The following PEAK1 variants were observed in gnomAD, a reference collection of about 807,000 sequenced individuals.
The protein encoded by PEAK1 is inactive tyrosine-protein kinase PEAK1.
A neutral mutation model predicts 124.7 loss-of-function variants in PEAK1; 54 were observed. The ratio of observed to expected loss-of-function variants is 0.43; its 90% CI spans 0.35 to 0.54. The LOEUF is 0.54. Ranked by LOEUF, PEAK1 falls within the 20% of genes least tolerant of loss-of-function variation. PEAK1 has a pLI of 0.01. For synonymous variants in PEAK1, 719 were observed against 760.0 expected (o/e 0.95, Z 0.89); for missense variants, 2,046 against 2,134.5 (o/e 0.96, Z 0.82).
intron 5 of PEAK1, among the ~76,000 whole-genome samples, chr15:77,257,537 G>A (rs1425277660): frequency 6.6e-6 from 1 of 151,368 alleles, no homozygotes; most frequent in Non-Finnish European, 1.5e-5. Context: ...TTTGAGAAGT[G>A]TCTGTTCATG....
intron 7 of PEAK1, among the ~76,000 whole-genome samples, chr15:77,162,493 CAAAAAA>C (rs71143393): frequency 2.9e-3 from 206 of 70,372 alleles, no homozygotes; most frequent in Admixed American, 4.7e-3. Context: ...GACTCCATCT[CAAAAAA>C]AAAAAAAAAA....
intron 1 of PEAK1, among the ~76,000 whole-genome samples, chr15:77,413,153 T>A (rs1018359240): frequency 6.6e-6 from 1 of 152,152 alleles, no homozygotes; most frequent in African/African-American, 2.4e-5. Flanking sequence ...AATGCTAAAA[T>A]TAGTGGGCAG....
intron 2 of PEAK1, chr15:77,334,988 T>A: frequency 1.0e-6 from 1 of 985,452 alleles, no homozygotes; most frequent in Non-Finnish European, 1.2e-6. Context: ...TCCAGCAATC[T>A]GAACAGGGTT....
chr15:77,321,506 TG>T (rs771243170), intron 2 of PEAK1, among the ~76,000 whole-genome samples: 2 of 152,226 alleles, frequency 1.3e-5, no homozygotes, highest in African/African-American at 2.4e-5. Context: ...TTGATGGAGA[TG>T]TTTTTTTCCT....
chr15:77,403,569 A>G, intron 1 of PEAK1: 6 of 970,176 alleles, frequency 6.2e-6, no homozygotes, highest in Non-Finnish European at 7.4e-6. Context: ...TTTCACATAT[A>G]TTCAGCCTCT....
chr15:77,332,227 T>A, intron 2 of PEAK1: 1 of 984,072 alleles, frequency 1.0e-6, no homozygotes, highest in Non-Finnish European at 1.2e-6. Flanking sequence ...AGTCCTTTTT[T>A]GACAAAACAC....
chr15:77,408,970 C>T (rs1478956895), intron 1 of PEAK1, among the ~76,000 whole-genome samples: 4 of 152,016 alleles, frequency 2.6e-5, no homozygotes, highest in African/African-American at 9.7e-5. Context: ...ACTCAGGAGG[C>T]TTAGGTGGGA....
intron 6 of PEAK1, among the ~76,000 whole-genome samples, chr15:77,222,243 A>C (rs979438159): frequency 6.6e-6 from 1 of 152,096 alleles, no homozygotes; most frequent in African/African-American, 2.4e-5. Context: ...AACAAATCAC[A>C]AAATTTGTTT....
chr15:77,290,493 T>A (rs2063157577), intron 2 of PEAK1, among the ~76,000 whole-genome samples: 1 of 152,030 alleles, frequency 6.6e-6, no homozygotes, highest in Non-Finnish European at 1.5e-5. Context: ...CCTCAAGTGA[T>A]ACACCCGCTT....
rs541380739 is a variant in PEAK1, at chr15:77,274,462, C to T, written c.-275+9421G>A. Among the ~76,000 whole-genome samples, 3 of 151,900 alleles carry T rather than the reference C, an allele frequency of 2.0e-5. No homozygotes were observed. In the South Asian group the frequency reaches 6.2e-4, roughly 32 times the overall value. On this transcript the variant is annotated intron_variant, in intron 5 of 9. Coordinates refer to ENST00000682557, the MANE Select transcript of PEAK1 (RefSeq NM_001385026.1). ...CAAGTGGGCTAAAGACATGAATAGA[C>T]AATTTTCAAAAGAAGATATACAAAT...
In PEAK1 at chr15:77,142,763, T is replaced by C. The variant is rs143540796; in HGVS notation, c.3332-9013A>G. ...CACATATTATATGATTCCACTTATA[T>C]GAAATTTCCAGAAATATATAAAGGC... On this transcript the variant is annotated intron_variant, in intron 8 of 9. Transcript: ENST00000682557. Among the ~76,000 whole-genome samples the C allele has an allele frequency of 6.0e-3, 911 of 152,294 alleles. 4 individuals are homozygous for C. The highest frequency in any genetic ancestry group is 9.3e-3 in the East Asian group (48 of 5,188).
chr15:77,346,513 G>C, intron 2 of PEAK1: 1 of 985,378 alleles, frequency 1.0e-6, no homozygotes, highest in Non-Finnish European at 1.2e-6. Context: ...TTGCTTTTAT[G>C]ACTAGGATGT....
At chr15:77,229,839 G>T (rs1010476741) in intron 6 of PEAK1, among the ~76,000 whole-genome samples, 2 of 151,944 alleles carry the variant, frequency 1.3e-5, no homozygotes, top group African/African-American at 4.8e-5. Flanking sequence ...TAGAGACGGG[G>T]TTTCACCATG....
Position 77,179,046 on chromosome 15 carries a change from G to C in PEAK1, c.2881C>G (p.His961Asp). The change falls in exon 7 of 10, where the codon CAC (histidine) becomes GAC (aspartate). Residue 961 changes from histidine (H) to aspartate (D), a missense_variant. Physicochemically the swap from His to Asp is moderately conservative, Grantham distance 81. Coordinates refer to ENST00000682557, the MANE Select transcript of PEAK1 (RefSeq NM_001385026.1). ...TGAACTGGAGGAGGAGGCAGCATGT[G>C]AATGACTGTGCCATCCAGGCCCACC... is the stretch of plus-strand genomic sequence containing the variant. Reference protein sequence around the residue: ...KLVGLDGTVIHMLPPPPVQRH... With the variant: ...KLVGLDGTVIDMLPPPPVQRH... 1 of 1,614,148 alleles carries C rather than the reference G, an allele frequency of 6.2e-7. No individual in the cohort carries two copies. Among genetic ancestry groups the C allele is most frequent in the South Asian group, 1.1e-5 (1 of 91,086 alleles).
At chr15:77,192,524 G>T (rs1459371394) in intron 6 of PEAK1, among the ~76,000 whole-genome samples, 1 of 152,200 alleles carries the variant, frequency 6.6e-6, no homozygotes, top group Non-Finnish European at 1.5e-5. Flanking sequence ...ATAAAAATAT[G>T]CTGGGTCTTA....
rs1402548917 is a variant in PEAK1 at position 77,313,708 on chromosome 15, A to ATGTATG, written c.-602-27205_-602-27204insCATACA. On this transcript the variant is annotated intron_variant, in intron 2 of 9. Coordinates refer to ENST00000682557, the MANE Select transcript of PEAK1 (RefSeq NM_001385026.1). ...TGTGTGTGTGTATATATATATATGT[A>ATGTATG]TGTGTGTGTGTGTGTGTGTATATAT... Among the ~76,000 whole-genome samples, 699 of 93,720 alleles carry ATGTATG rather than the reference A, an allele frequency of 7.5e-3. 10 individuals carry two copies. The highest frequency in any genetic ancestry group is 0.027 in the Middle Eastern group (5 of 184). The allele number at this position is 93,720 out of a possible 152,430, so 61.5% of individuals were successfully genotyped here.
At chr15:77,404,095 T>C in intron 1 of PEAK1, 1 of 985,042 alleles carries the variant, frequency 1.0e-6, no homozygotes, top group South Asian at 4.7e-5. Context: ...AAATAATATA[T>C]CCAGTAGGCC....
rs941130979 is a variant in PEAK1 at position 77,111,760 on chromosome 15, T to C, written c.*2396A>G. 4.0e-5 allele frequency: 6 copies of C among 151,862 alleles called. 1 individual carries two copies. The South Asian group carries it at 6.2e-4, about 16-fold the overall frequency. The allele number at this position is 151,862 out of a possible 1,614,324, so 9.4% of individuals were successfully genotyped here. ...AAAAGATAAGTAGAGACATAACAAATAGAGGGACCAGGAAACATTCAGCAT... is the reference window on the plus strand; with the variant it reads ...AAAAGATAAGTAGAGACATAACAAACAGAGGGACCAGGAAACATTCAGCAT... On this transcript the variant is annotated 3_prime_UTR_variant, in exon 10 of 10. Transcript: ENST00000682557.
At chr15:77,304,334 G>C (rs563284219) in intron 2 of PEAK1, among the ~76,000 whole-genome samples, 1 of 151,626 alleles carries the variant, frequency 6.6e-6, no homozygotes, top group South Asian at 2.1e-4. Context: ...CATTTCTTTA[G>C]ATCTTGTTTG....
Sources: gnomAD v4.1 joint callset for allele counts (sites outside exome capture counted in the v4.1 genomes callset) on GRCh38, gnomAD v4.1.1 for gene constraint, MANE v1.5 for transcripts, NCBI Gene and HGNC (gene_info 2026-07-23, HGNC 2026-07-21) for gene names.